Variants in KDM4C observed in about 807,000 individuals in gnomAD.
KDM4C encodes the protein lysine demethylase 4C, also known as lysine-specific demethylase 4C.
In KDM4C, 81 loss-of-function variants were observed where a neutral mutation model predicts 129.3. The observed-to-expected ratio is 0.63, with a 90% CI of 0.52 to 0.75. KDM4C has a LOEUF of 0.75. Among genes scored for constraint, KDM4C ranks in the 30% least tolerant of loss-of-function variants. The pLI, the probability that KDM4C is intolerant of heterozygous loss-of-function variation, is 0.00. For synonymous variants in KDM4C, 573 were observed against 456.1 expected, an observed-to-expected ratio of 1.26 and a Z score of -3.26; for missense variants, 1,457 against 1,304.0, an observed-to-expected ratio of 1.12 and a Z score of -1.81.
intron 8 of KDM4C, among the ~76,000 whole-genome samples, chr9:6,900,824 G>T (rs1162648533): frequency 6.6e-6 from 1 of 152,190 alleles, no homozygotes; most frequent in African/African-American, 2.4e-5. Flanking sequence ...TATCAAGTGT[G>T]TGTGGGGAAG....
chr9:6,785,489 A>C (rs966934724), intron 1 of KDM4C, among the ~76,000 whole-genome samples: 1 of 152,092 alleles, frequency 6.6e-6, no homozygotes, highest in African/African-American at 2.4e-5. Context: ...GGCACCCGCC[A>C]CCATGCCTGG....
intron 19 of KDM4C, among the ~76,000 whole-genome samples, chr9:7,142,172 C>T (rs745489645): frequency 3.5e-4 from 54 of 152,184 alleles, no homozygotes; most frequent in Admixed American, 1.2e-3. Flanking sequence ...CTGATTCTAA[C>T]GTCTCTTAAT....
intron 15 of KDM4C, among the ~76,000 whole-genome samples, chr9:7,045,076 G>C (rs560096625): frequency 2.0e-5 from 3 of 151,974 alleles, no homozygotes; most frequent in Non-Finnish European, 4.4e-5. Flanking sequence ...TGATGGTGGA[G>C]AATCTTAAAA....
intron 15 of KDM4C, among the ~76,000 whole-genome samples, chr9:7,023,323 A>G (rs1446483351): frequency 6.6e-6 from 1 of 151,932 alleles, no homozygotes; most frequent in East Asian, 1.9e-4. Flanking sequence ...ATTACTTGTT[A>G]TTGGTCTGTT....
At chr9:6,799,729 G>A (rs1455792506) in intron 2 of KDM4C, among the ~76,000 whole-genome samples, 1 of 148,724 alleles carries the variant, frequency 6.7e-6, no homozygotes, top group Non-Finnish European at 1.5e-5. Flanking sequence ...TATTGCTAAT[G>A]AAGAGCCTGA....
intron 15 of KDM4C, 113 bp downstream of exon 15, chr9:7,016,042 G>A: frequency 3.3e-6 from 2 of 607,316 alleles, no homozygotes; most frequent in Non-Finnish European, 5.8e-6. Flanking sequence ...GTGCAGTTCT[G>A]CACTTCCTTG....
intron 1 of KDM4C, among the ~76,000 whole-genome samples, chr9:6,724,514 ATATTATTATTATTGT>A (rs1481850606): frequency 1.3e-5 from 2 of 150,962 alleles, no homozygotes; most frequent in Non-Finnish European, 2.9e-5. Flanking sequence ...TAAACTGGAC[ATATTATTATTATTGT>A]TATTATTATT....
At chr9:6,732,155 A>C (rs555207666) in intron 1 of KDM4C, among the ~76,000 whole-genome samples, 1 of 151,670 alleles carries the variant, frequency 6.6e-6, no homozygotes, top group Non-Finnish European at 1.5e-5. Context: ...TCACGAGGTC[A>C]GGAGATTGAG....
intron 18 of KDM4C, among the ~76,000 whole-genome samples, chr9:7,120,796 G>C (rs1005056556): frequency 6.6e-6 from 1 of 152,128 alleles, no homozygotes; most frequent in Non-Finnish European, 1.5e-5. Context: ...CTGAACTGAA[G>C]AATAAATGTT....
In KDM4C at chr9:6,849,586, G is replaced by T. The variant is rs754707248; in HGVS notation, c.515G>T (p.Gly172Val). The T allele has an allele frequency of 6.2e-7, 1 of 1,613,916 alleles. No homozygotes were observed. The highest frequency in any genetic ancestry group is 1.1e-5 in the South Asian group (1 of 91,064). ...VEEECGISIE[G>V]VNTPYLYFGM... ...GAAGAGTGTGGCATTTCTATTGAGGGTGTAAATACCCCATATCTCTATTTT... is the reference window on the plus strand; with the variant it reads ...GAAGAGTGTGGCATTTCTATTGAGGTTGTAAATACCCCATATCTCTATTTT... Residue 172 changes from glycine to valine, a missense_variant, in exon 5 of 22, where the codon GGT (glycine) becomes GTT (valine). Transcript: ENST00000381309.
intron 1 of KDM4C, among the ~76,000 whole-genome samples, chr9:6,769,893 G>A (rs1047197254): frequency 6.6e-6 from 1 of 152,128 alleles, no homozygotes; most frequent in Admixed American, 6.5e-5. Flanking sequence ...TTAAAACCAT[G>A]TGTTACGCCA....
intron 17 of KDM4C, among the ~76,000 whole-genome samples, chr9:7,052,898 A>T (rs866884248): frequency 0.28 from 13,519 of 47,574 alleles, 1,482 homozygotes; most frequent in South Asian, 0.46. Flanking sequence ...AGAGAGAGAG[A>T]GAGCGAGCGA....
At chr9:7,112,941 C>T (rs1254719262) in intron 18 of KDM4C, among the ~76,000 whole-genome samples, 1 of 152,104 alleles carries the variant, frequency 6.6e-6, no homozygotes, top group African/African-American at 2.4e-5. Flanking sequence ...AACTAAAATT[C>T]TGTTTAACAA....
chr9:6,784,597 C>T (rs1370471105), intron 1 of KDM4C, among the ~76,000 whole-genome samples: 2 of 152,350 alleles, frequency 1.3e-5, no homozygotes, highest in East Asian at 3.9e-4. Context: ...ATCCAAGGCA[C>T]TCTGTTCCAG....
At chr9:7,081,545 A>G (rs1834521447) in intron 17 of KDM4C, among the ~76,000 whole-genome samples, 1 of 152,160 alleles carries the variant, frequency 6.6e-6, no homozygotes, top group Non-Finnish European at 1.5e-5. Flanking sequence ...GTGCTGCCCC[A>G]TTGACTGAAA....
intron 2 of KDM4C, among the ~76,000 whole-genome samples, chr9:6,794,584 G>T (rs1827365059): frequency 6.6e-6 from 1 of 152,156 alleles, no homozygotes; most frequent in Admixed American, 6.6e-5. Context: ...TGTTGTGGGG[G>T]CAGAGCACAA....
chr9:6,990,600 T>G, intron 12 of KDM4C, 76 bp downstream of exon 12: 1 of 932,654 alleles, frequency 1.1e-6, no homozygotes, highest in Non-Finnish European at 1.6e-6. Context: ...AAAAAATTGC[T>G]GAATAGAAAA....
intron 17 of KDM4C, among the ~76,000 whole-genome samples, chr9:7,063,045 A>G (rs186835764): frequency 6.6e-6 from 1 of 152,344 alleles, no homozygotes; most frequent in East Asian, 1.9e-4. Context: ...TTAAAACTAG[A>G]GAAAATGTTT....
At chr9:6,786,666 G>C (rs1825560568) in intron 1 of KDM4C, among the ~76,000 whole-genome samples, 2 of 152,100 alleles carry the variant, frequency 1.3e-5, no homozygotes, top group South Asian at 4.1e-4. Context: ...GAAAAATAAA[G>C]GTAAAAGAGA....
Sources: gnomAD v4.1 joint callset for allele counts (sites outside exome capture counted in the v4.1 genomes callset) on GRCh38, gnomAD v4.1.1 for gene constraint, MANE v1.5 for transcripts, NCBI Gene and HGNC (gene_info 2026-07-23, HGNC 2026-07-21) for gene names.